ANK2: variants seen among roughly 807,000 people sequenced by gnomAD.
ANK2 encodes the protein ankyrin 2, also known as ankyrin-2.
In ANK2, 83 loss-of-function variants were observed where a neutral mutation model predicts 360.5. That is an observed-to-expected ratio of 0.23 (90% CI 0.19 to 0.28). The LOEUF (loss-of-function observed/expected upper bound fraction) is 0.28. Among genes scored for constraint, ANK2 ranks in the 10% least tolerant of loss-of-function variants. The pLI, the probability that ANK2 is intolerant of heterozygous loss-of-function variation, is 1.00. For synonymous variants in ANK2, 1,740 were observed against 1,759.5 expected (o/e 0.99, Z 0.28); for missense variants, 4,201 against 4,795.7 (o/e 0.88, Z 3.66).
Position 112,982,883 on chromosome 4 carries a change from G to GA in ANK2, c.21+78374dup, listed in dbSNP as rs1351056612. On this transcript the variant is annotated intron_variant, in intron 2 of 30. Transcript: ENST00000503271. ...GGTGGTTCAAGAAAAAAAGAGAGAT[G>GA]AAAAAGCTGTTTTGCAATCTGTGCA... Among the ~76,000 whole-genome samples the GA allele has an allele frequency of 6.6e-5, 10 of 152,224 alleles. No homozygotes were observed. In the East Asian group the frequency reaches 1.9e-3, roughly 29 times the overall value.
intron 2 of ANK2, among the ~76,000 whole-genome samples, chr4:112,916,307 C>T (rs1242235878): frequency 6.6e-6 from 1 of 152,080 alleles, no homozygotes; most frequent in Non-Finnish European, 1.5e-5. Context: ...AAAGTTACTG[C>T]ACTAAATGCA....
At chr4:113,012,733 T>C (rs557645663) in intron 2 of ANK2, among the ~76,000 whole-genome samples, 17 of 152,330 alleles carry the variant, frequency 1.1e-4, no homozygotes, top group Non-Finnish European at 1.9e-4. Context: ...ATTATTTACC[T>C]GTATTCCAAG....
rs548950901 is a variant in ANK2, at chr4:112,940,967, C to G, written c.21+36453C>G. On this transcript the variant is annotated intron_variant, in intron 2 of 30. Coordinates refer to the ANK2 transcript ENST00000503271. ...TATGGGAGAAAGGGACAAATACTTT[C>G]AAGTTCCTCATGAGGTTGTTGATAA... is the stretch of plus-strand genomic sequence containing the variant. Among the ~76,000 whole-genome samples the G allele has an allele frequency of 4.6e-5, 7 of 152,148 alleles. No individual in the cohort carries two copies. The East Asian group carries it at 1.4e-3, about 29-fold the overall frequency.
intron 1 of ANK2, among the ~76,000 whole-genome samples, chr4:112,819,737 A>T (rs2056446547): frequency 6.6e-6 from 1 of 152,188 alleles, no homozygotes; most frequent in East Asian, 1.9e-4. Context: ...ACATAGAGAA[A>T]TGGAAGATCC....
chr4:112,986,051 T>G (rs888965093), intron 2 of ANK2, among the ~76,000 whole-genome samples: 1 of 134,968 alleles, frequency 7.4e-6, no homozygotes, highest in Non-Finnish European at 1.6e-5. Context: ...ATATATAAAA[T>G]TATATATAAA....
intron 1 of ANK2, among the ~76,000 whole-genome samples, chr4:112,860,301 A>G (rs11943728): frequency 0.63 from 95,650 of 151,618 alleles, 32,307 homozygotes; most frequent in African/African-American, 0.87. Flanking sequence ...ATCTTGGCTC[A>G]CTGCAACCTC....
chr4:112,975,887 A>G (rs2041209705), intron 2 of ANK2, among the ~76,000 whole-genome samples: 1 of 152,188 alleles, frequency 6.6e-6, no homozygotes, highest in Non-Finnish European at 1.5e-5. Context: ...ATCTATGGGT[A>G]CGTTTGGATA....
At chr4:113,061,782 A>C (rs2073536073) in intron 1 of ANK2, among the ~76,000 whole-genome samples, 5 of 152,184 alleles carry the variant, frequency 3.3e-5, no homozygotes. Context: ...AGGATGTAGT[A>C]TTAGCTAGTA....
At chr4:112,708,707 A>T in the ANK2 span, among the ~76,000 whole-genome samples, 11 of 152,294 alleles carry the variant, frequency 7.2e-5, no homozygotes, top group African/African-American at 2.6e-4. Flanking sequence ...GGTCCTTTCC[A>T]TGTTATTTAG....
chr4:112,772,043 C>T, the ANK2 span, among the ~76,000 whole-genome samples: 1 of 152,144 alleles, frequency 6.6e-6, no homozygotes, highest in Non-Finnish European at 1.5e-5. Context: ...ATCCTTCTCG[C>T]ATATGCTGCT....
At chr4:113,093,198 G>A (rs1332725111) in intron 1 of ANK2, among the ~76,000 whole-genome samples, 3 of 152,128 alleles carry the variant, frequency 2.0e-5, no homozygotes, top group South Asian at 4.1e-4. Flanking sequence ...TCAGGTGACT[G>A]CTGTTCTGTG....
chr4:112,957,696 AC>A (rs1179494048), intron 2 of ANK2, among the ~76,000 whole-genome samples: 10 of 122,216 alleles, frequency 8.2e-5, no homozygotes, highest in Admixed American at 5.8e-4. Flanking sequence ...CGGGGGGCTG[AC>A]CCCCCCACCT....
At chr4:113,105,627 A>C (rs2093519958) in intron 1 of ANK2, among the ~76,000 whole-genome samples, 1 of 152,208 alleles carries the variant, frequency 6.6e-6, no homozygotes, top group Non-Finnish European at 1.5e-5. Flanking sequence ...AGCTATAGGC[A>C]TGAAGGTTCA....
chr4:113,153,207 A>G (rs1191297655), intron 1 of ANK2, among the ~76,000 whole-genome samples: 1 of 152,090 alleles, frequency 6.6e-6, no homozygotes, highest in Non-Finnish European at 1.5e-5. Flanking sequence ...TAGTACAGCA[A>G]CTCTATTAAA....
At chr4:112,809,147 C>T in the ANK2 span, among the ~76,000 whole-genome samples, 1 of 151,692 alleles carries the variant, frequency 6.6e-6, no homozygotes, top group Non-Finnish European at 1.5e-5. Flanking sequence ...GCGTGAGCCA[C>T]TGCACCCGGC....
intron 1 of ANK2, among the ~76,000 whole-genome samples, chr4:113,164,972 A>G (rs1324050525): frequency 2.0e-5 from 3 of 152,212 alleles, no homozygotes; most frequent in South Asian, 4.1e-4. Context: ...TCTCGACCCA[A>G]ATGTTGTTAT....
At chr4:113,059,536 GGAAA>G (rs1181307109) in intron 1 of ANK2, among the ~76,000 whole-genome samples, 9 of 152,082 alleles carry the variant, frequency 5.9e-5, no homozygotes, top group African/African-American at 2.2e-4. Context: ...AATGTGAAGA[GGAAA>G]GAGTTATCAT....
At chr4:112,849,981 T>A (rs1239009641) in intron 1 of ANK2, among the ~76,000 whole-genome samples, 2 of 152,156 alleles carry the variant, frequency 1.3e-5, no homozygotes, top group South Asian at 2.1e-4. Context: ...GGGTGAATTC[T>A]CTTCTTGAGC....
At chr4:113,326,472 G>A (rs1394390937) in intron 26 of ANK2, among the ~76,000 whole-genome samples, 3 of 147,202 alleles carry the variant, frequency 2.0e-5, no homozygotes, top group African/African-American at 8.1e-5. Flanking sequence ...AATTTGTTTA[G>A]AGTATTTTCT....
Sources: allele counts gnomAD v4.1 joint callset (sites outside exome capture counted in the v4.1 genomes callset), GRCh38; gene constraint gnomAD v4.1.1; transcripts MANE v1.5; gene names NCBI Gene and HGNC (gene_info 2026-07-23, HGNC 2026-07-21).